Variants in CAMK1D observed in about 807,000 individuals in gnomAD.
CAMK1D encodes calcium/calmodulin-dependent protein kinase type 1D.
A neutral mutation model predicts 47.7 loss-of-function variants in CAMK1D; 9 were observed. The observed-to-expected ratio is 0.19, with a 90% CI of 0.11 to 0.33. The LOEUF (loss-of-function observed/expected upper bound fraction) is 0.33. CAMK1D is among the 10% of genes least tolerant of loss of function. The pLI, the probability that CAMK1D is intolerant of heterozygous loss-of-function variation, is 1.00. For missense variants in CAMK1D, 291 were observed against 488.7 expected (o/e 0.60, Z 3.81); for synonymous variants, 184 against 184.9 (o/e 0.99, Z 0.04).
chr10:12,590,473 G>A (rs1419101982), intron 2 of CAMK1D, among the ~76,000 whole-genome samples: 1 of 152,064 alleles, frequency 6.6e-6, no homozygotes, highest in Non-Finnish European at 1.5e-5. Flanking sequence ...TGATCCTCCT[G>A]CCTCGGCCTC....
In CAMK1D at chr10:12,400,542, C is replaced by T. The variant is rs116165851; in HGVS notation, c.92+50632C>T. Among the ~76,000 whole-genome samples the T allele has an allele frequency of 8.6e-3, 1,310 of 152,240 alleles. 18 individuals carry two copies. Among genetic ancestry groups the T allele is most frequent in the African/African-American group, 0.03 (1,227 of 41,518 alleles). ...AACCGTGATTTATTCTCTGATTTCA[C>T]GTAGCTTAAACTTTTTTCTTAATAG... is the stretch of plus-strand genomic sequence containing the variant. On this transcript the variant is annotated intron_variant, in intron 1 of 10. Transcript: ENST00000619168.
intron 1 of CAMK1D, among the ~76,000 whole-genome samples, chr10:12,538,489 A>G (rs1470269938): frequency 6.6e-6 from 1 of 152,200 alleles, no homozygotes; most frequent in Non-Finnish European, 1.5e-5. Context: ...ACTTTTCAGA[A>G]GCACTGAATT....
rs566645363 is a variant in CAMK1D, at chr10:12,583,607, T to TA, written c.224+30251_224+30252insA. ...GTGTGTTTTGTTGTTGTTGTTTTAT[T>TA]TTTTTTTTTTTTTGAGATGGAGTCT... On this transcript the variant is annotated intron_variant, in intron 2 of 10. Coordinates refer to ENST00000619168, the MANE Select transcript of CAMK1D (RefSeq NM_153498.4). Among the ~76,000 whole-genome samples, 437 of 139,620 alleles carry TA rather than the reference T, an allele frequency of 3.1e-3. 1 individual carries two copies. Among genetic ancestry groups the TA allele is most frequent in the African/African-American group, 0.011 (399 of 35,012 alleles). 91.6% of individuals were successfully genotyped at this position (139,620 alleles called of 152,430 possible).
At chr10:12,752,131 C>T (rs1836017828) in intron 3 of CAMK1D, among the ~76,000 whole-genome samples, 1 of 151,992 alleles carries the variant, frequency 6.6e-6, no homozygotes, top group Non-Finnish European at 1.5e-5. Context: ...TTACAGGCGC[C>T]CGCCATCATG....
chr10:12,665,554 G>T (rs552584452), intron 2 of CAMK1D, among the ~76,000 whole-genome samples: 1 of 152,334 alleles, frequency 6.6e-6, no homozygotes, highest in South Asian at 2.1e-4. Context: ...AAGAATCTGC[G>T]TGTTCTGTGC....
chr10:12,782,414 ATG>A (rs895722885), intron 5 of CAMK1D, among the ~76,000 whole-genome samples: 6 of 152,156 alleles, frequency 3.9e-5, no homozygotes, highest in African/African-American at 1.4e-4. Flanking sequence ...CTCTACTGAA[ATG>A]TGTGTCTGGG....
chr10:12,794,014 G>C (rs1451999921), intron 6 of CAMK1D, among the ~76,000 whole-genome samples: 2 of 152,224 alleles, frequency 1.3e-5, no homozygotes, highest in Non-Finnish European at 2.9e-5. Context: ...GTTTTGAACA[G>C]TGTTGTGATC....
At chr10:12,701,892 A>G (rs932596235) in intron 3 of CAMK1D, among the ~76,000 whole-genome samples, 1 of 152,228 alleles carries the variant, frequency 6.6e-6, no homozygotes, top group Admixed American at 6.5e-5. Context: ...AGCCCCAGGC[A>G]GGCAAGATCC....
chr10:12,433,130 C>T (rs959333313), intron 1 of CAMK1D, among the ~76,000 whole-genome samples: 3 of 152,216 alleles, frequency 2.0e-5, no homozygotes, highest in Non-Finnish European at 4.4e-5. Context: ...GGTCAGGTTT[C>T]CTCTCACAGC....
At chr10:12,781,233 G>A (rs556899891) in intron 5 of CAMK1D, among the ~76,000 whole-genome samples, 47 of 152,344 alleles carry the variant, frequency 3.1e-4, no homozygotes, top group African/African-American at 1.1e-3. Flanking sequence ...GAATGACTAC[G>A]GCAGTCTTCT....
At chr10:12,633,704 G>A (rs1049498577) in intron 2 of CAMK1D, among the ~76,000 whole-genome samples, 3 of 151,822 alleles carry the variant, frequency 2.0e-5, no homozygotes, top group Admixed American at 6.6e-5. Flanking sequence ...CCACAGGCAC[G>A]CACCATCATG....
At chr10:12,510,884 A>G (rs1439624108) in intron 1 of CAMK1D, among the ~76,000 whole-genome samples, 2 of 152,150 alleles carry the variant, frequency 1.3e-5, no homozygotes, top group Admixed American at 1.3e-4. Context: ...AGCACACACA[A>G]TTGATTTCTC....
At chr10:12,607,420 G>C (rs1325447898) in intron 2 of CAMK1D, among the ~76,000 whole-genome samples, 1 of 152,178 alleles carries the variant, frequency 6.6e-6, no homozygotes, top group East Asian at 1.9e-4. Flanking sequence ...GGGTTCTAGG[G>C]AGAGACATTC....
chr10:12,808,561 T>C (rs4748001), intron 6 of CAMK1D, among the ~76,000 whole-genome samples: 2,362 of 152,294 alleles, frequency 0.016, 51 homozygotes, highest in East Asian at 0.11. Flanking sequence ...GTGGGTCACC[T>C]GAGGTCAGGA....
chr10:12,764,381 C>CAAAAAAAAAAAAAAAAAAAAAAAAA (rs56657709), intron 4 of CAMK1D, among the ~76,000 whole-genome samples: 1 of 77,982 alleles, frequency 1.3e-5, no homozygotes, highest in African/African-American at 4.9e-5. Context: ...CACTTTGTCT[C>CAAAAAAAAAAAAAAAAAAAAAAAAA]AAAAAAAAAA....
chr10:12,733,084 CGA>C (rs1564523145), intron 3 of CAMK1D, among the ~76,000 whole-genome samples: 1 of 152,226 alleles, frequency 6.6e-6, no homozygotes, highest in African/African-American at 2.4e-5. Context: ...AATCTTTGTG[CGA>C]GACCCTGTGC....
intron 3 of CAMK1D, among the ~76,000 whole-genome samples, chr10:12,670,122 T>C (rs1840564883): frequency 7.9e-6 from 1 of 126,000 alleles, no homozygotes; most frequent in African/African-American, 2.9e-5. Context: ...GTTGTACCGT[T>C]TTGCTTTTTT....
At chr10:12,769,941 A>AGTG in intron 5 of CAMK1D, 142 bp downstream of exon 5, 2 of 872,954 alleles carry the variant, frequency 2.3e-6, no homozygotes, top group Non-Finnish European at 3.5e-6. Context: ...CCCTGGGGGA[A>AGTG]AGAATAAAAA....
intron 2 of CAMK1D, among the ~76,000 whole-genome samples, chr10:12,615,624 AGTGT>A (rs1194517743): frequency 2.0e-5 from 3 of 146,966 alleles, no homozygotes; most frequent in Admixed American, 2.0e-4. Flanking sequence ...ACGTATGTGT[AGTGT>A]GAGTGCACGT....
Sources: allele counts gnomAD v4.1 joint callset (sites outside exome capture counted in the v4.1 genomes callset), GRCh38; gene constraint gnomAD v4.1.1; transcripts MANE v1.5; gene names NCBI Gene and HGNC (gene_info 2026-07-23, HGNC 2026-07-21).